The following IGF2 variants were observed in gnomAD, a reference collection of about 807,000 sequenced individuals.
IGF2 encodes the protein insulin like growth factor 2.
Under a neutral mutation model 12.0 loss-of-function variants are expected in IGF2, and 2 were observed. The ratio of observed to expected loss-of-function variants is 0.17; its 90% CI spans 0.07 to 0.52. The LOEUF (loss-of-function observed/expected upper bound fraction) is 0.52, where lower values mean the gene tolerates loss of function less well. Ranked by LOEUF, IGF2 falls within the 20% of genes least tolerant of loss-of-function variation. The pLI is 0.95. For missense variants in IGF2, 211 were observed against 268.0 expected (o/e 0.79, Z 1.48); for synonymous variants, 105 against 110.1 (o/e 0.95, Z 0.29).
At chr11:2,140,058 G>A, upstream of IGF2, 2 of 1,427,414 alleles carry the variant, frequency 1.4e-6, no homozygotes, top group Non-Finnish European at 1.9e-6. Context: ...CCGAATCTGG[G>A]CCAGGCTTGG....
At chr11:2,149,262 C>T in the IGF2 span, 4 of 1,613,624 alleles carry the variant, frequency 2.5e-6, no homozygotes, top group Admixed American at 6.7e-5. Flanking sequence ...TTAGCAGTCA[C>T]CACCAAAGCA....
intron 1 of IGF2, among the ~76,000 whole-genome samples, chr11:2,136,473 G>A (rs1859059196): frequency 6.6e-6 from 1 of 152,242 alleles, no homozygotes; most frequent in Admixed American, 6.5e-5. Flanking sequence ...CCCTCCACAG[G>A]CTGCAGGGCC....
upstream of IGF2, among the ~76,000 whole-genome samples, chr11:2,142,760 G>A (rs1160138652): frequency 6.6e-6 from 1 of 152,232 alleles, no homozygotes; most frequent in African/African-American, 2.4e-5. This position sits in a 1 kb window ranked among gnomAD's most constrained non-coding sequence, Gnocchi z 5.7. Flanking sequence ...GAATGTTTGG[G>A]AACTGGGGCC....
Position 2,138,904 on chromosome 11 carries a change from G to T in IGF2, c.-682C>A. 2.0e-6 allele frequency: 2 copies of T among 984,974 alleles called. No individual in the cohort carries two copies. Among genetic ancestry groups the T allele is most frequent in the Non-Finnish European group, 2.4e-6 (2 of 829,668 alleles). 61.0% of individuals were successfully genotyped at this position (984,974 alleles called of 1,614,324 possible). On this transcript the variant is annotated 5_prime_UTR_variant, in exon 1 of 4. Coordinates refer to ENST00000416167, the MANE Select transcript of IGF2 (RefSeq NM_000612.6). ...AGTGGAGGCTGCACCCGGACCGCGG[G>T]CGCCCAGCTCGGTTTGGGCCGACGG...
chr11:2,129,538 G>A lies in IGF2; in HGVS notation c.*3449C>T, dbSNP rs1858392100. 4.4e-6 allele frequency: 1 copy of A among 228,046 alleles called. No individual in the cohort carries two copies. Among genetic ancestry groups the A allele is most frequent in the African/African-American group, 2.2e-5 (1 of 45,010 alleles). The allele number at this position is 228,046 out of a possible 1,614,324, so 14.1% of individuals were successfully genotyped here. A position where few individuals can be genotyped will look rare whatever the true frequency, so the allele number is the denominator to read the frequency against. ...ATAACACTGGGTGGGTGGGTGTCCT[G>A]ACGAATGGGCAGGTAATTTGGGGTG... On this transcript the variant is annotated 3_prime_UTR_variant, in exon 4 of 4. Transcript: ENST00000416167. The surrounding 1 kb of genome is among the most constrained non-coding windows in gnomAD (Gnocchi z 8.1).
At chr11:2,139,828 G>A (rs971015660), upstream of IGF2, among the ~76,000 whole-genome samples, 4 of 151,942 alleles carry the variant, frequency 2.6e-5, no homozygotes, top group African/African-American at 9.7e-5. Context: ...GAGTGCAGAT[G>A]CAGGTGGCTT....
upstream of IGF2, chr11:2,140,852 C>A: frequency 2.9e-6 from 1 of 344,670 alleles, no homozygotes; most frequent in South Asian, 2.1e-5. Context: ...CGGCGGGGAG[C>A]TCACCGCGAA....
the IGF2 span, chr11:2,149,164 A>G: frequency 1.2e-6 from 2 of 1,613,502 alleles, no homozygotes; most frequent in Non-Finnish European, 8.5e-7. Flanking sequence ...CAGCTCCTGG[A>G]CAGTGGATAA....
At chr11:2,135,948 C>CG (rs1859000250) in intron 1 of IGF2, among the ~76,000 whole-genome samples, 3 of 152,178 alleles carry the variant, frequency 2.0e-5, no homozygotes, top group Non-Finnish European at 4.4e-5. Context: ...TCTCAGGCCT[C>CG]CAGCGCCAGC....
At chr11:2,142,884 G>C (rs1859685193), upstream of IGF2, among the ~76,000 whole-genome samples, 1 of 152,130 alleles carries the variant, frequency 6.6e-6, no homozygotes, top group Admixed American at 6.5e-5. The surrounding 1 kb of genome is among the most constrained non-coding windows in gnomAD (Gnocchi z 5.7). Flanking sequence ...GGGGGACCTG[G>C]AGAATCCTGG....
At chr11:2,149,165 C>T in the IGF2 span, 3 of 1,613,530 alleles carry the variant, frequency 1.9e-6, no homozygotes, top group Admixed American at 3.3e-5. Flanking sequence ...AGCTCCTGGA[C>T]AGTGGATAAA....
the IGF2 span, chr11:2,148,890 A>C: frequency 3.5e-6 from 2 of 567,794 alleles, no homozygotes; most frequent in African/African-American, 3.8e-5. The surrounding 1 kb of genome is among the most constrained non-coding windows in gnomAD (Gnocchi z 4.3). Flanking sequence ...CAAAAGCCTC[A>C]GTGGCTTTGT....
At chr11:2,149,055 C>T in the IGF2 span, 1 of 1,433,882 alleles carries the variant, frequency 7.0e-7, no homozygotes, top group South Asian at 1.2e-5. Flanking sequence ...CCCCAAGCTC[C>T]CGGCCCACCC....
At chr11:2,144,003 G>A (rs1287234101), upstream of IGF2, among the ~76,000 whole-genome samples, 1 of 152,220 alleles carries the variant, frequency 6.6e-6, no homozygotes, top group Non-Finnish European at 1.5e-5. Flanking sequence ...GGGCGGCGCG[G>A]GCAGGTAGCG....
chr11:2,130,520 C>G lies in IGF2; in HGVS notation c.*2467G>C, dbSNP rs543215705. The G allele has an allele frequency of 4.8e-6, 1 of 206,284 alleles. No individual in the cohort carries two copies. The allele number at this position is 206,284 out of a possible 1,614,324, so 12.8% of individuals were successfully genotyped here. A position where few individuals can be genotyped will look rare whatever the true frequency, so the allele number is the denominator to read the frequency against. ...CGTTCTTGCTTTTGTCACTGCCCCCCTGTTACATGGGGGGGGGGTTTAATT... is the reference window on the plus strand; with the variant it reads ...CGTTCTTGCTTTTGTCACTGCCCCCGTGTTACATGGGGGGGGGGTTTAATT... On this transcript the variant is annotated 3_prime_UTR_variant, in exon 4 of 4. Transcript: ENST00000416167.
upstream of IGF2, among the ~76,000 whole-genome samples, chr11:2,141,965 C>G (rs1301023823): frequency 2.6e-5 from 4 of 152,150 alleles, no homozygotes; most frequent in Non-Finnish European, 5.9e-5. Context: ...GGGGGAGCCC[C>G]AGTGAAACAC....
chr11:2,146,263 C>T, the IGF2 span: 42 of 533,830 alleles, frequency 7.9e-5, no homozygotes, highest in Non-Finnish European at 1.5e-4. Context: ...CTGAGCTCAC[C>T]GCTCCGCCGT....
upstream of IGF2, among the ~76,000 whole-genome samples, chr11:2,144,493 C>T (rs1300333217): frequency 2.0e-5 from 3 of 152,222 alleles, no homozygotes; most frequent in Non-Finnish European, 4.4e-5. Context: ...CACTGAAGAG[C>T]AGAGGAAGTG....
At chr11:2,135,140 G>A (rs1004421814) in intron 2 of IGF2, among the ~76,000 whole-genome samples, 2 of 152,190 alleles carry the variant, frequency 1.3e-5, no homozygotes, top group African/African-American at 4.8e-5. Flanking sequence ...CGTCTAGGGG[G>A]CACCTCTGGC....
Sources: gnomAD v4.1 joint callset for allele counts (sites outside exome capture counted in the v4.1 genomes callset) on GRCh38, gnomAD v4.1.1 for gene constraint, Gnocchi (gnomAD v3.1) non-coding constraint, MANE v1.5 for transcripts, NCBI Gene and HGNC (gene_info 2026-07-23, HGNC 2026-07-21) for gene names.